BTD: variants seen among roughly 807,000 people sequenced by gnomAD.
BTD encodes the protein biotinidase.
A neutral mutation model predicts 17.7 loss-of-function variants in BTD; 13 were observed. The observed-to-expected ratio is 0.74, with a 90% CI of 0.48 to 1.17. The LOEUF (loss-of-function observed/expected upper bound fraction) is 1.17, where lower values mean the gene tolerates loss of function less well. BTD is among the 50% of genes most tolerant of loss of function. BTD has a pLI of 0.00. For missense variants in BTD, 674 were observed against 650.4 expected, an observed-to-expected ratio of 1.04 and a Z score of -0.39; for synonymous variants, 240 against 245.2, an observed-to-expected ratio of 0.98 and a Z score of 0.20.
intron 3 of BTD, among the ~76,000 whole-genome samples, chr3:15,666,694 CTT>C (rs2066000283): frequency 6.8e-6 from 1 of 146,180 alleles, no homozygotes; most frequent in Non-Finnish European, 1.5e-5. Context: ...TTTTCATCAT[CTT>C]TCCATGCTCA....
chr3:15,690,573 GT>G (rs1419705505), intron 3 of BTD, among the ~76,000 whole-genome samples: 2 of 151,752 alleles, frequency 1.3e-5, no homozygotes, highest in African/African-American at 2.4e-5. Flanking sequence ...TGTTTTTTTT[GT>G]TTTGTTTTGA....
intron 3 of BTD, among the ~76,000 whole-genome samples, chr3:15,701,001 ACGT>A: frequency 6.6e-6 from 1 of 152,230 alleles, no homozygotes; most frequent in East Asian, 1.9e-4. Flanking sequence ...GTATTCAAAT[ACGT>A]CTACCCAAAT....
intron 1 of BTD, among the ~76,000 whole-genome samples, chr3:15,627,151 G>T (rs1266596776): frequency 6.6e-6 from 1 of 152,158 alleles, no homozygotes; most frequent in Non-Finnish European, 1.5e-5. Flanking sequence ...GAACACCCCT[G>T]AGCAGCCACG....
At position 15,695,223 on chromosome 3, in the gene BTD, A is replaced by G. The variant is rs563527420; in HGVS notation, c.400-14837A>G. The G allele has an allele frequency of 3.2e-5, 51 of 1,572,588 alleles. 1 individual carries two copies. In the East Asian group the frequency reaches 1.1e-3, roughly 34 times the overall value. On this transcript the variant is annotated intron_variant, in intron 3 of 3. Transcript: ENST00000672141. ...GGAGTTTCACTTGCAATCTGAAATA[A>G]AAGTCAAAACAAAAATATTTAGCTT...
intron 1 of BTD, among the ~76,000 whole-genome samples, chr3:15,630,412 A>T (rs888141428): frequency 6.6e-6 from 1 of 152,262 alleles, no homozygotes; most frequent in Non-Finnish European, 1.5e-5. Flanking sequence ...ACAGACTGTT[A>T]TTCAAATTCC....
chr3:15,681,809 T>C (rs1290396438), intron 3 of BTD, among the ~76,000 whole-genome samples: 1 of 152,178 alleles, frequency 6.6e-6, no homozygotes, highest in African/African-American at 2.4e-5. Context: ...TTATCACAAC[T>C]GAAGGTGGGG....
intron 3 of BTD, chr3:15,678,478 T>C: frequency 1.2e-6 from 1 of 819,720 alleles, no homozygotes; most frequent in Non-Finnish European, 1.8e-6. Flanking sequence ...AAGCACTGCC[T>C]GTACACAAAC....
chr3:15,675,969 C>T (rs775463316), intron 3 of BTD: 8 of 1,612,658 alleles, frequency 5.0e-6, no homozygotes, highest in African/African-American at 4.0e-5. Flanking sequence ...TAGCCCATTT[C>T]GGGCAGCAAC....
chr3:15,645,168 T>C lies in BTD; in HGVS notation c.1252T>C (p.Tyr418His), dbSNP rs1279500513. 2 of 1,614,098 alleles carry C rather than the reference T, an allele frequency of 1.2e-6. No homozygotes were observed. Among genetic ancestry groups the C allele is most frequent in the Non-Finnish European group, 1.7e-6 (2 of 1,180,044 alleles). ...GAGGCCCACCTTATCCAAAGAGCTG[T>C]ATGCCCTGGGGGTCTTTGATGGGCT... ...YERPTLSKEL[Y>H]ALGVFDGLHT... The change falls in exon 4 of 4, where the codon TAT (tyrosine) becomes CAT (histidine). Residue 418 changes from tyrosine (Y) to histidine (H), a missense_variant. By Grantham distance (83) the Tyr-to-His change is moderately conservative (BLOSUM62 2). Transcript: ENST00000643237.
chr3:15,690,490 G>A (rs1214841983), intron 3 of BTD, among the ~76,000 whole-genome samples: 8 of 152,124 alleles, frequency 5.3e-5, no homozygotes, highest in Non-Finnish European at 1.2e-4. Flanking sequence ...CTTGGCTCAC[G>A]GCAGACATTC....
At chr3:15,704,512 T>C (rs2071083136) in intron 3 of BTD, among the ~76,000 whole-genome samples, 1 of 152,128 alleles carries the variant, frequency 6.6e-6, no homozygotes, top group African/African-American at 2.4e-5. Flanking sequence ...TAAAAAACCA[T>C]TTAAAAAACA....
At chr3:15,693,151 A>C (rs1454501834) in intron 3 of BTD, among the ~76,000 whole-genome samples, 2 of 152,224 alleles carry the variant, frequency 1.3e-5, no homozygotes, top group African/African-American at 2.4e-5. Flanking sequence ...TTTAACCTTT[A>C]CAAGATAAAA....
chr3:15,700,170 G>A (rs994869673), intron 3 of BTD, among the ~76,000 whole-genome samples: 4 of 152,156 alleles, frequency 2.6e-5, no homozygotes, highest in African/African-American at 4.8e-5. Context: ...TCACTCATAC[G>A]TGGGAGCTGA....
intron 3 of BTD, chr3:15,689,821 T>C: frequency 5.3e-6 from 3 of 562,322 alleles, no homozygotes; most frequent in Non-Finnish European, 9.3e-6. Flanking sequence ...ATACTCCTAA[T>C]GTTTATGAAT....
At chr3:15,717,242 T>C (rs1477400990), downstream of BTD, among the ~76,000 whole-genome samples, 1 of 152,120 alleles carries the variant, frequency 6.6e-6, no homozygotes. Context: ...CTTCCGAAGG[T>C]AGCTGGGACT....
intron 3 of BTD, chr3:15,679,545 T>A: frequency 6.2e-7 from 1 of 1,612,384 alleles, no homozygotes; most frequent in South Asian, 1.1e-5. Flanking sequence ...TAAAAGCAGT[T>A]CTACACATGT....
At chr3:15,676,020 TATGTGC>T (rs780772349) in intron 3 of BTD, 1 of 1,575,256 alleles carries the variant, frequency 6.3e-7, no homozygotes. Flanking sequence ...CATGTACACA[TATGTGC>T]ATGTGCATGC....
chr3:15,623,423 A>ATTAT (rs1272351671), intron 1 of BTD, among the ~76,000 whole-genome samples: 3 of 152,132 alleles, frequency 2.0e-5, no homozygotes, highest in African/African-American at 7.2e-5. Flanking sequence ...TAGTTGGATT[A>ATTAT]TTATCTATCA....
chr3:15,681,017 T>G (rs2067484359), intron 3 of BTD, among the ~76,000 whole-genome samples: 1 of 152,176 alleles, frequency 6.6e-6, no homozygotes, highest in Non-Finnish European at 1.5e-5. Flanking sequence ...CCTACCAAAG[T>G]GATATTGCTG....
Sources: allele counts gnomAD v4.1 joint callset (sites outside exome capture counted in the v4.1 genomes callset), GRCh38; gene constraint gnomAD v4.1.1; transcripts MANE v1.5; gene names NCBI Gene and HGNC (gene_info 2026-07-23, HGNC 2026-07-21).